The following PRKG1 variants were observed in gnomAD, a reference collection of about 807,000 sequenced individuals.
PRKG1 encodes protein kinase cGMP-dependent 1.
PRKG1 carries 35 observed loss-of-function variants against 88.1 expected under a neutral mutation model. The ratio of observed to expected loss-of-function variants is 0.40; its 90% CI spans 0.30 to 0.53. PRKG1 has a LOEUF of 0.53. Among genes scored for constraint, PRKG1 ranks in the 20% least tolerant of loss-of-function variants. The pLI, the probability that PRKG1 is intolerant of heterozygous loss-of-function variation, is 0.59. For missense variants in PRKG1, 540 were observed against 839.8 expected (o/e 0.64, Z 4.41); for synonymous variants, 303 against 292.5 (o/e 1.04, Z -0.37).
At chr10:51,302,165 A>G (rs1208194084) in intron 2 of PRKG1, among the ~76,000 whole-genome samples, 1 of 152,330 alleles carries the variant, frequency 6.6e-6, no homozygotes, top group East Asian at 1.9e-4. Flanking sequence ...GAGGAGCACT[A>G]CTAGGGGTTT....
Position 51,453,678 on chromosome 10 carries a change from A to G in PRKG1, c.479-14045A>G, listed in dbSNP as rs569993735. On this transcript the variant is annotated intron_variant, in intron 2 of 17. Transcript: ENST00000373980. ...CCACTGTGGTCTGAGAGGACACTTG[A>G]TATAATTTTTACTTTGTTAAGTTTA... Among the ~76,000 whole-genome samples, 4 of 152,056 alleles carry G rather than the reference A, an allele frequency of 2.6e-5. 1 individual carries two copies. Among genetic ancestry groups the G allele is most frequent in the African/African-American group, 9.6e-5 (4 of 41,506 alleles).
chr10:51,061,459 A>G (rs923996803), intron 1 of PRKG1, among the ~76,000 whole-genome samples: 13 of 152,228 alleles, frequency 8.5e-5, no homozygotes, highest in African/African-American at 2.6e-4. Flanking sequence ...CGTCTTTTAT[A>G]TTTATTGTGC....
intron 3 of PRKG1, among the ~76,000 whole-genome samples, chr10:51,490,505 G>A (rs1425412822): frequency 1.3e-5 from 2 of 152,088 alleles, no homozygotes; most frequent in Non-Finnish European, 2.9e-5. Flanking sequence ...TCTTTGTTCA[G>A]TACTTTACAT....
intron 9 of PRKG1, among the ~76,000 whole-genome samples, chr10:52,211,755 G>A (rs1427451952): frequency 1.3e-5 from 2 of 151,510 alleles, no homozygotes; most frequent in Non-Finnish European, 2.9e-5. Context: ...AAGTAACGGG[G>A]GTGATGAATG....
chr10:51,764,964 T>C (rs1305881871), intron 3 of PRKG1, among the ~76,000 whole-genome samples: 2 of 152,168 alleles, frequency 1.3e-5, no homozygotes, highest in Non-Finnish European at 2.9e-5. Flanking sequence ...AGACACCAGA[T>C]TGTCTGGCAC....
At chr10:51,471,264 T>C (rs907213610) in intron 3 of PRKG1, among the ~76,000 whole-genome samples, 2 of 151,918 alleles carry the variant, frequency 1.3e-5, no homozygotes, top group Admixed American at 1.3e-4. Flanking sequence ...GGGGAAAGAA[T>C]CGCTTGTTAT....
chr10:51,995,606 T>C (rs192170861), intron 5 of PRKG1, among the ~76,000 whole-genome samples: 4 of 152,280 alleles, frequency 2.6e-5, no homozygotes, highest in African/African-American at 7.2e-5. Flanking sequence ...TTGTCACTTA[T>C]GTTTGAACAC....
chr10:51,687,152 G>GA (rs76425121), intron 3 of PRKG1, among the ~76,000 whole-genome samples: 5 of 151,348 alleles, frequency 3.3e-5, no homozygotes, highest in Middle Eastern at 3.4e-3. Context: ...AAACTTTCAA[G>GA]AAAAAAAAAG....
chr10:51,550,175 T>C (rs796847691), intron 3 of PRKG1, among the ~76,000 whole-genome samples: 33 of 152,236 alleles, frequency 2.2e-4, no homozygotes, highest in African/African-American at 6.0e-4. Flanking sequence ...TGTTACCTTA[T>C]TGAATGTGAA....
chr10:51,396,157 G>A (rs1380171140), intron 2 of PRKG1, among the ~76,000 whole-genome samples: 1 of 152,166 alleles, frequency 6.6e-6, no homozygotes, highest in African/African-American at 2.4e-5. Flanking sequence ...AGACTGAAGT[G>A]GGTGGATCGC....
intron 2 of PRKG1, among the ~76,000 whole-genome samples, chr10:51,184,135 T>C (rs1837421637): frequency 6.6e-6 from 1 of 152,220 alleles, no homozygotes; most frequent in African/African-American, 2.4e-5. Context: ...ATCCAACTCA[T>C]ATGACATCTT....
chr10:51,781,176 G>A (rs1389049522), intron 3 of PRKG1, among the ~76,000 whole-genome samples: 1 of 151,860 alleles, frequency 6.6e-6, no homozygotes, highest in Non-Finnish European at 1.5e-5. Flanking sequence ...TTTTTCCCCA[G>A]GGCCAAATGC....
At chr10:52,043,290 A>G (rs1845791100) in intron 5 of PRKG1, among the ~76,000 whole-genome samples, 1 of 152,116 alleles carries the variant, frequency 6.6e-6, no homozygotes, top group Admixed American at 6.6e-5. Context: ...CAGCACTATG[A>G]AAGATATGAA....
At chr10:51,934,261 C>A (rs1193616722) in intron 5 of PRKG1, among the ~76,000 whole-genome samples, 2 of 150,676 alleles carry the variant, frequency 1.3e-5, no homozygotes, top group Admixed American at 6.6e-5. Context: ...CATACCCCCC[C>A]CCCAACACCG....
intron 5 of PRKG1, among the ~76,000 whole-genome samples, chr10:51,965,733 T>TG (rs1205193967): frequency 2.0e-5 from 3 of 152,106 alleles, no homozygotes; most frequent in Non-Finnish European, 4.4e-5. Flanking sequence ...AATTCCAATA[T>TG]GAAAAAAATT....
At chr10:52,290,186 A>G (rs192655898) in intron 16 of PRKG1, 38 bp from the exon 17 acceptor site, 2 of 1,578,978 alleles carry the variant, frequency 1.3e-6, no homozygotes, top group African/African-American at 2.7e-5. Context: ...CTTTTAGCTG[A>G]CACAAAATGT....
chr10:51,235,114 A>G (rs895711281), intron 2 of PRKG1, among the ~76,000 whole-genome samples: 3 of 152,166 alleles, frequency 2.0e-5, no homozygotes, highest in East Asian at 3.8e-4. Flanking sequence ...ACGATATTCC[A>G]TGCAGGAAGC....
chr10:51,730,985 G>A (rs1261678610), intron 3 of PRKG1, among the ~76,000 whole-genome samples: 1 of 151,996 alleles, frequency 6.6e-6, no homozygotes, highest in Non-Finnish European at 1.5e-5. Flanking sequence ...ATGAAACCCT[G>A]TCTCTACTAA....
intron 3 of PRKG1, among the ~76,000 whole-genome samples, chr10:51,556,463 G>A (rs1837314025): frequency 6.6e-6 from 1 of 151,594 alleles, no homozygotes; most frequent in African/African-American, 2.4e-5. Context: ...AGTCACGATA[G>A]CAAAGACATG....
Sources: allele counts gnomAD v4.1 joint callset (sites outside exome capture counted in the v4.1 genomes callset), GRCh38; gene constraint gnomAD v4.1.1; transcripts MANE v1.5; gene names NCBI Gene and HGNC (gene_info 2026-07-23, HGNC 2026-07-21).